KDM5A: variants seen among roughly 807,000 people sequenced by gnomAD.
KDM5A encodes the protein lysine-specific demethylase 5A.
A neutral mutation model predicts 193.5 loss-of-function variants in KDM5A; 42 were observed. The observed-to-expected ratio is 0.22, with a 90% confidence interval of 0.17 to 0.28. The LOEUF (loss-of-function observed/expected upper bound fraction) is 0.28, where lower values mean the gene tolerates loss of function less well. KDM5A is among the 10% of genes least tolerant of loss of function. The probability of loss-of-function intolerance (pLI) is 1.00; values close to 1 mark genes in which losing one functional copy is unlikely to be tolerated. For missense variants in KDM5A, 1,692 were observed against 2,055.1 expected (o/e 0.82, Z 3.42); for synonymous variants, 796 against 718.1 (o/e 1.11, Z -1.73).
intron 5 of KDM5A, among the ~76,000 whole-genome samples, chr12:356,981 T>G (rs2137458810): frequency 6.6e-6 from 1 of 152,332 alleles, no homozygotes; most frequent in East Asian, 1.9e-4. Flanking sequence ...GACTGCCATC[T>G]TCTAATAAAA....
chr12:341,933 GAA>G (rs3216509), intron 10 of KDM5A, among the ~76,000 whole-genome samples: 44,219 of 150,080 alleles, frequency 0.29, 6,711 homozygotes, highest in East Asian at 0.51. Context: ...GAAATGGGGG[GAA>G]AAAAAGACAT....
intron 27 of KDM5A, among the ~76,000 whole-genome samples, chr12:292,424 C>G (rs1418900021): frequency 6.6e-6 from 1 of 152,110 alleles, no homozygotes; most frequent in Non-Finnish European, 1.5e-5. Context: ...ATTTAGTTCT[C>G]TGAGTCACCT....
In KDM5A at chr12:283,467, C is replaced by T. The variant is rs1177381856; in HGVS notation, c.*1989G>A. 1.3e-5 allele frequency: 3 copies of T among 232,664 alleles called. No homozygotes were observed. Among genetic ancestry groups the T allele is most frequent in the Non-Finnish European group, 2.6e-5 (3 of 117,570 alleles). The allele number at this position is 232,664 out of a possible 1,614,324, so 14.4% of individuals were successfully genotyped here. ...AAGTCAAAACACTCAAAATGTTATA[C>T]AGTATTAAGAATGAATAAAAAGTAG... On this transcript the variant is annotated 3_prime_UTR_variant, in exon 28 of 28. Coordinates refer to ENST00000399788, the MANE Select transcript of KDM5A (RefSeq NM_001042603.3).
intron 10 of KDM5A, among the ~76,000 whole-genome samples, chr12:346,119 T>G (rs1944071377): frequency 6.6e-6 from 1 of 151,952 alleles, no homozygotes. Flanking sequence ...CAAACTACCA[T>G]CAGAGAATAC....
At chr12:325,839 C>T (rs1233873113) in intron 14 of KDM5A, among the ~76,000 whole-genome samples, 2 of 152,070 alleles carry the variant, frequency 1.3e-5, no homozygotes, top group African/African-American at 4.8e-5. Flanking sequence ...CATGGTGAAA[C>T]CCTGTCTCCA....
At chr12:311,355 G>A in intron 20 of KDM5A, 1 of 398,804 alleles carries the variant, frequency 2.5e-6, no homozygotes, top group South Asian at 2.2e-5. Flanking sequence ...TATAAACACA[G>A]TTAGCAGGCC....
intron 13 of KDM5A, chr12:329,234 T>G (rs1296246933): frequency 1.7e-6 from 1 of 588,384 alleles, no homozygotes; most frequent in African/African-American, 1.9e-5. Context: ...CACAGAAAAT[T>G]CCCATAATCT....
rs1318761467 is a variant in KDM5A, at chr12:292,990, T to C, written c.4635A>G (p.Ser1545=). The change falls in exon 27 of 28, where the codon TCA becomes TCG. Residue 1545 remains serine, a synonymous_variant. Coordinates refer to ENST00000399788, the MANE Select transcript of KDM5A (RefSeq NM_001042603.3). The part of the protein sequence containing the change: ...KKKLKLGADK[S]KELNKLAKKL... ...TCTTGGCCAGTTTATTCAGCTCCTT[T>C]GATTTGTCTGCACCTAATTTTAATT... 1 of 1,608,812 alleles carries C rather than the reference T, an allele frequency of 6.2e-7. No individual in the cohort carries two copies. The highest frequency in any genetic ancestry group is 1.7e-5 in the Admixed American group (1 of 58,830).
intron 24 of KDM5A, among the ~76,000 whole-genome samples, chr12:306,125 C>A (rs1172670632): frequency 6.6e-6 from 1 of 151,930 alleles, no homozygotes; most frequent in South Asian, 2.1e-4. Flanking sequence ...GTGTGTGCTA[C>A]CACACCCAAC....
intron 5 of KDM5A, among the ~76,000 whole-genome samples, chr12:361,645 C>CCATG (rs1176545511): frequency 6.6e-6 from 1 of 152,142 alleles, no homozygotes; most frequent in Non-Finnish European, 1.5e-5. Flanking sequence ...AGCAGAATCA[C>CCATG]CATGTCAAAG....
At chr12:332,476 TA>T (rs1285309339) in intron 12 of KDM5A, among the ~76,000 whole-genome samples, 6 of 152,204 alleles carry the variant, frequency 3.9e-5, no homozygotes, top group African/African-American at 1.4e-4. Context: ...AGTAACATTA[TA>T]AATGTTAAAC....
At chr12:292,423 T>C (rs1591896690) in intron 27 of KDM5A, among the ~76,000 whole-genome samples, 2 of 152,358 alleles carry the variant, frequency 1.3e-5, no homozygotes, top group African/African-American at 4.8e-5. Flanking sequence ...TATTTAGTTC[T>C]CTGAGTCACC....
chr12:285,398 T>C lies in KDM5A; in HGVS notation c.*58A>G, dbSNP rs1022512741. 4 of 1,447,602 alleles carry C rather than the reference T, an allele frequency of 2.8e-6. No homozygotes were observed. In the Admixed American group the frequency reaches 5.0e-5, roughly 18 times the overall value. 89.7% of individuals were successfully genotyped at this position (1,447,602 alleles called of 1,614,324 possible). On this transcript the variant is annotated 3_prime_UTR_variant, in exon 28 of 28. Transcript: ENST00000399788. ...AGTGGATATAAACCACTCTACTTGATGACTAAGGTCTCAATGTGGTCCATG... is the reference window on the plus strand; with the variant it reads ...AGTGGATATAAACCACTCTACTTGACGACTAAGGTCTCAATGTGGTCCATG...
rs1216195736 is a variant in KDM5A, at chr12:354,098, C to T, written c.1007G>A (p.Arg336Lys). ...TACCTCGGCGACACATTTAGGACAC[C>T]TCCAGTCTCCTTTGGGCACATCAGG... ...PLPDVPKGDWRCPKCVAEECS... is the reference protein window; with the variant it reads ...PLPDVPKGDWKCPKCVAEECS... Residue 336 changes from arginine to lysine, a missense_variant, in exon 8 of 28, where the codon AGG becomes AAG. This residue lies in a region of KDM5A where 62 missense variants were observed against 107.1 expected (regional missense o/e 0.58). Transcript: ENST00000399788. 1 of 1,613,760 alleles carries T rather than the reference C, an allele frequency of 6.2e-7. No homozygotes were observed. The highest frequency in any genetic ancestry group is 8.5e-7 in the Non-Finnish European group (1 of 1,179,764).
intron 14 of KDM5A, among the ~76,000 whole-genome samples, chr12:326,192 C>G (rs1383113549): frequency 1.3e-5 from 2 of 152,130 alleles, no homozygotes; most frequent in Non-Finnish European, 2.9e-5. Context: ...TAGAAATGTG[C>G]AATACACATG....
chr12:283,806 A>G lies in KDM5A; in HGVS notation c.*1650T>C, dbSNP rs1943183278. ...ACAGTGATGACAAAACACTATTTTT[A>G]GTCATTTTTTTTTTTGTCCTTTAAA... On this transcript the variant is annotated 3_prime_UTR_variant, in exon 28 of 28. Coordinates refer to ENST00000399788, the MANE Select transcript of KDM5A (RefSeq NM_001042603.3). The G allele has an allele frequency of 4.7e-6, 1 of 212,534 alleles. No homozygotes were observed. Among genetic ancestry groups the G allele is most frequent in the Non-Finnish European group, 8.8e-6 (1 of 113,620 alleles). The allele number at this position is 212,534 out of a possible 1,614,324, so 13.2% of individuals were successfully genotyped here.
chr12:316,778 T>C (rs1943655222), intron 19 of KDM5A, among the ~76,000 whole-genome samples: 1 of 152,244 alleles, frequency 6.6e-6, no homozygotes, highest in South Asian at 2.1e-4. Context: ...GCATGGCATC[T>C]GGATAGCAAA....
At chr12:377,241 G>C (rs541207462) in intron 3 of KDM5A, among the ~76,000 whole-genome samples, 8 of 152,178 alleles carry the variant, frequency 5.3e-5, no homozygotes, top group African/African-American at 1.9e-4. Flanking sequence ...CTATAGGTAA[G>C]TAAACTAAAG....
intron 10 of KDM5A, among the ~76,000 whole-genome samples, chr12:346,877 ACC>A (rs1944084450): frequency 6.6e-6 from 1 of 152,200 alleles, no homozygotes; most frequent in Non-Finnish European, 1.5e-5. Flanking sequence ...GTCTTCTCTC[ACC>A]ACTCCTATTC....
Sources: allele counts gnomAD v4.1 joint callset (sites outside exome capture counted in the v4.1 genomes callset), GRCh38; gene constraint gnomAD v4.1.1; regional missense constraint gnomAD v4.1.1; transcripts MANE v1.5; gene names NCBI Gene and HGNC (gene_info 2026-07-23, HGNC 2026-07-21).